The following UBE2E3 variants were observed in gnomAD, a reference collection of about 807,000 sequenced individuals.
The protein encoded by UBE2E3 is ubiquitin-conjugating enzyme E2 E3.
Under a neutral mutation model 23.6 loss-of-function variants are expected in UBE2E3, and 5 were observed. The ratio of observed to expected loss-of-function variants is 0.21; its 90% CI spans 0.11 to 0.44. UBE2E3 has a LOEUF of 0.44. UBE2E3 is among the 20% of genes least tolerant of loss of function. The pLI, the probability that UBE2E3 is intolerant of heterozygous loss-of-function variation, is 0.99. For missense variants in UBE2E3, 81 were observed against 249.8 expected (o/e 0.32, Z 4.55); for synonymous variants, 78 against 87.5 (o/e 0.89, Z 0.60).
chr2:181,021,179 T>A (rs566380468), intron 3 of UBE2E3, among the ~76,000 whole-genome samples: 9 of 152,192 alleles, frequency 5.9e-5, no homozygotes, highest in Non-Finnish European at 1.3e-4. Flanking sequence ...CTACGAAACA[T>A]GAGATTAGTC....
At chr2:181,012,222 T>C (rs992673884) in intron 3 of UBE2E3, among the ~76,000 whole-genome samples, 2 of 152,168 alleles carry the variant, frequency 1.3e-5, no homozygotes, top group African/African-American at 4.8e-5. Context: ...ACTGATTAGT[T>C]TCAGTAAATG....
At chr2:181,052,886 T>C (rs1306060509) in intron 3 of UBE2E3, among the ~76,000 whole-genome samples, 1 of 151,846 alleles carries the variant, frequency 6.6e-6, no homozygotes, top group Admixed American at 6.6e-5. Context: ...TGGTCACTTT[T>C]CTACCTTGGT....
intron 3 of UBE2E3, among the ~76,000 whole-genome samples, chr2:181,014,052 G>T (rs1163537523): frequency 6.6e-6 from 1 of 152,184 alleles, no homozygotes; most frequent in Non-Finnish European, 1.5e-5. Flanking sequence ...CCGAAGTATG[G>T]ATAGCATCTG....
chr2:181,002,545 G>A (rs1045746966), intron 3 of UBE2E3, among the ~76,000 whole-genome samples: 5 of 152,042 alleles, frequency 3.3e-5, no homozygotes, highest in African/African-American at 7.2e-5. Context: ...TGCATACCAC[G>A]TATGTAATTT....
chr2:180,987,719 C>G (rs1684525342), intron 3 of UBE2E3, among the ~76,000 whole-genome samples: 1 of 152,070 alleles, frequency 6.6e-6, no homozygotes, highest in South Asian at 2.1e-4. Flanking sequence ...TCTCTAGATT[C>G]CTCATTAGCC....
chr2:181,037,638 A>G lies in UBE2E3; in HGVS notation c.246-20055A>G, dbSNP rs190986640. Among the ~76,000 whole-genome samples the G allele has an allele frequency of 1.3e-4, 20 of 152,350 alleles. No homozygotes were observed. In the East Asian group the frequency reaches 3.9e-3, roughly 29 times the overall value. On this transcript the variant is annotated intron_variant, in intron 3 of 5. Coordinates refer to ENST00000410062, the MANE Select transcript of UBE2E3 (RefSeq NM_006357.4). ...TTTGTGTTTTAAGCTCAGTGTTACT[A>G]CAGAAGAATCAGAAAGTTAAAAAAA... is the stretch of plus-strand genomic sequence containing the variant.
intron 3 of UBE2E3, among the ~76,000 whole-genome samples, chr2:181,034,292 G>A (rs886386978): frequency 6.6e-6 from 1 of 152,198 alleles, no homozygotes; most frequent in Non-Finnish European, 1.5e-5. Context: ...GTCCATCAAT[G>A]ATAGACTGGA....
At chr2:181,011,978 A>G (rs959790934) in intron 3 of UBE2E3, among the ~76,000 whole-genome samples, 3 of 152,100 alleles carry the variant, frequency 2.0e-5, no homozygotes, top group Admixed American at 6.6e-5. Context: ...TTTTCCTGTC[A>G]CTTTAGTGTC....
At chr2:181,038,394 A>G (rs755594407) in intron 3 of UBE2E3, among the ~76,000 whole-genome samples, 16 of 152,216 alleles carry the variant, frequency 1.1e-4, no homozygotes, top group African/African-American at 3.1e-4. Context: ...AAAAATGACA[A>G]AATCCCCGAA....
chr2:180,988,623 T>G (rs1684555774), intron 3 of UBE2E3, among the ~76,000 whole-genome samples: 1 of 152,176 alleles, frequency 6.6e-6, no homozygotes, highest in African/African-American at 2.4e-5. Context: ...TGCTGTTACC[T>G]GCATTACCTA....
chr2:181,021,562 T>TCCCTCCCTTCCTC (rs1685681689), intron 3 of UBE2E3, among the ~76,000 whole-genome samples: 1 of 35,334 alleles, frequency 2.8e-5, no homozygotes, highest in Non-Finnish European at 5.7e-5. Flanking sequence ...CTCCCTTCCT[T>TCCCTCCCTTCCTC]CCTTCCTTCC....
chr2:181,050,349 T>C (rs1388629924), intron 3 of UBE2E3, among the ~76,000 whole-genome samples: 2 of 151,916 alleles, frequency 1.3e-5, no homozygotes, highest in Non-Finnish European at 2.9e-5. Flanking sequence ...CATCCCCACA[T>C]CCTAAGTGCT....
chr2:180,989,767 T>C, intron 3 of UBE2E3: 1 of 1,160,652 alleles, frequency 8.6e-7, no homozygotes, highest in Non-Finnish European at 1.1e-6. Context: ...GTTATATGTT[T>C]ACTTCGCAGC....
intron 3 of UBE2E3, among the ~76,000 whole-genome samples, chr2:181,011,556 T>G (rs1685328833): frequency 1.3e-5 from 2 of 152,010 alleles, no homozygotes; most frequent in African/African-American, 4.8e-5. Context: ...TGCACCTAAA[T>G]CAAAACTAAG....
chr2:180,998,001 A>C (rs1684878745), intron 3 of UBE2E3, among the ~76,000 whole-genome samples: 1 of 151,892 alleles, frequency 6.6e-6, no homozygotes, highest in Admixed American at 6.6e-5. Flanking sequence ...TAGCTCTTAT[A>C]TTTCTTTATA....
chr2:181,047,958 A>G (rs186404028), intron 3 of UBE2E3, among the ~76,000 whole-genome samples: 2 of 151,512 alleles, frequency 1.3e-5, no homozygotes, highest in Admixed American at 1.3e-4. Context: ...AGGTCGTTTC[A>G]TTGTACTTCC....
At chr2:181,062,563 T>C (rs925277182) in intron 5 of UBE2E3, among the ~76,000 whole-genome samples, 7 of 140,206 alleles carry the variant, frequency 5.0e-5, no homozygotes, top group Non-Finnish European at 9.2e-5. Context: ...ATCTAACTTT[T>C]TATATATAGC....
At chr2:180,996,779 AATT>A (rs1684832569) in intron 3 of UBE2E3, among the ~76,000 whole-genome samples, 1 of 152,202 alleles carries the variant, frequency 6.6e-6, no homozygotes, top group Non-Finnish European at 1.5e-5. Context: ...AATATATAAT[AATT>A]TGTAATAGTT....
intron 3 of UBE2E3, among the ~76,000 whole-genome samples, chr2:181,035,407 A>G (rs187739387): frequency 3.1e-3 from 465 of 152,256 alleles, no homozygotes; most frequent in Non-Finnish European, 5.1e-3. Context: ...AAATGTATTT[A>G]TAAAAAATAT....
Sources: gnomAD v4.1 joint callset for allele counts (sites outside exome capture counted in the v4.1 genomes callset) on GRCh38, gnomAD v4.1.1 for gene constraint, MANE v1.5 for transcripts, NCBI Gene and HGNC (gene_info 2026-07-23, HGNC 2026-07-21) for gene names.